Variants in ALG6 observed in about 807,000 individuals in gnomAD.
The protein encoded by ALG6 is ALG6 alpha-1,3-glucosyltransferase.
Under a neutral mutation model 66.6 loss-of-function variants are expected in ALG6, and 46 were observed. That is an observed-to-expected ratio of 0.69 (90% CI 0.55 to 0.88). The LOEUF (loss-of-function observed/expected upper bound fraction) is 0.88. Among genes scored for constraint, ALG6 ranks in the 40% least tolerant of loss-of-function variants. The pLI is 0.00. For missense variants in ALG6, 505 were observed against 586.8 expected (o/e 0.86, Z 1.44); for synonymous variants, 185 against 203.7 (o/e 0.91, Z 0.78).
rs1428760964 is a variant in ALG6, at chr1:63,382,134, A to G, written c.82+11075A>G. On this transcript the variant is annotated intron_variant, in intron 2 of 14. Transcript: ENST00000263440. ...TTGTATGGGTACATAGTAGATGTAC[A>G]TATTCATGGGTCACATGAGATTTTT... is the stretch of plus-strand genomic sequence containing the variant. 2.6e-5 allele frequency among the ~76,000 whole-genome samples: 4 copies of G among 151,558 alleles called. 1 individual carries two copies. The highest frequency in any genetic ancestry group is 2.6e-4 in the Admixed American group (4 of 15,248).
At chr1:63,422,126 A>AATATATATAAATATAAATATAT (rs1334474580) in intron 12 of ALG6, among the ~76,000 whole-genome samples, 9 of 74,384 alleles carry the variant, frequency 1.2e-4, no homozygotes, top group African/African-American at 3.5e-4. Context: ...TAAATATATA[A>AATATATATAAATATAAATATAT]ATAAATATAT....
intron 7 of ALG6, among the ~76,000 whole-genome samples, chr1:63,407,562 G>T (rs1180459806): frequency 6.6e-6 from 1 of 151,962 alleles, no homozygotes; most frequent in Non-Finnish European, 1.5e-5. Context: ...AACTAAAACT[G>T]ATAATCAAAA....
intron 8 of ALG6, 40 bp from the exon 9 acceptor site, chr1:63,411,886 C>G (rs917714377): frequency 1.2e-6 from 2 of 1,613,566 alleles, no homozygotes; most frequent in African/African-American, 2.7e-5. Context: ...GAATTACTGA[C>G]CTTTCCCTAT....
In ALG6 at chr1:63,402,312, AC is replaced by A; in HGVS notation, c.227del (p.Thr76LysfsTer15). On this transcript the variant is annotated frameshift_variant, in exon 4 of 15. Coordinates refer to ENST00000263440, the MANE Select transcript of ALG6 (RefSeq NM_013339.4). LOFTEE classifies it high-confidence loss of function. ...TTGGGGATTGGATTACCCACCTCTT[AC>A]AGCTTATCATAGTCTCCTATGTGCA... The part of the protein sequence containing the change: ...QYWGLDYPPL[T>X]AYHSLLCAYV... The A allele has an allele frequency of 6.2e-7, 1 of 1,611,912 alleles. No individual in the cohort carries two copies. Among genetic ancestry groups the A allele is most frequent in the Non-Finnish European group, 8.5e-7 (1 of 1,178,236 alleles).
chr1:63,378,148 G>T (rs1363374940), intron 2 of ALG6, among the ~76,000 whole-genome samples: 1 of 152,038 alleles, frequency 6.6e-6, no homozygotes, highest in Non-Finnish European at 1.5e-5. Context: ...ACACCTTTGG[G>T]AGTTTTTTTT....
rs868766000 is a variant in ALG6, at chr1:63,385,192, T to C, written c.83-11321T>C. On this transcript the variant is annotated intron_variant, in intron 2 of 14. Coordinates refer to ENST00000263440, the MANE Select transcript of ALG6 (RefSeq NM_013339.4). The stretch of plus-strand genomic sequence containing the variant: ...AAGATCTTTTACTTCTTCTTTTTTT[T>C]TTTTTTTTTTTTTTTTTTTTTTTTT... Among the ~76,000 whole-genome samples, 186 of 40,340 alleles carry C rather than the reference T, an allele frequency of 4.6e-3. 1 individual carries two copies. Among genetic ancestry groups the C allele is most frequent in the Admixed American group, 6.4e-3 (19 of 2,986 alleles). 26.5% of individuals were successfully genotyped at this position (40,340 alleles called of 152,430 possible).
chr1:63,400,273 A>ATATG (rs1644451878), intron 3 of ALG6, among the ~76,000 whole-genome samples: 2 of 23,470 alleles, frequency 8.5e-5, no homozygotes, highest in African/African-American at 8.0e-4. Context: ...ATATACGTAT[A>ATATG]TATATATACG....
intron 1 of ALG6, among the ~76,000 whole-genome samples, chr1:63,368,764 G>A (rs189705226): frequency 3.4e-3 from 515 of 152,230 alleles, no homozygotes; most frequent in South Asian, 8.7e-3. Context: ...GCCTCCCAAA[G>A]TGCTGGGATT....
intron 12 of ALG6, among the ~76,000 whole-genome samples, chr1:63,422,137 A>ATG (rs1157350278): frequency 5.4e-5 from 3 of 56,048 alleles, no homozygotes; most frequent in African/African-American, 7.1e-5. Flanking sequence ...ATAAATATAT[A>ATG]AATATATATA....
rs752876663 is a variant in ALG6 at position 63,370,836 on chromosome 1, C to A, written c.-142C>A. 1.4e-6 allele frequency: 1 copy of A among 698,722 alleles called. No individual in the cohort carries two copies. Among genetic ancestry groups the A allele is most frequent in the Non-Finnish European group, 2.6e-6 (1 of 382,892 alleles). 43.3% of individuals were successfully genotyped at this position (698,722 alleles called of 1,614,324 possible). ...AAACCAAGCATCATTAAAATTCTCT[C>A]AAACTCCTAATTGCGAAGAATCGAT... On this transcript the variant is annotated 5_prime_UTR_variant, in exon 2 of 15. Coordinates refer to ENST00000263440, the MANE Select transcript of ALG6 (RefSeq NM_013339.4).
chr1:63,389,144 C>T (rs1648592366), intron 2 of ALG6, among the ~76,000 whole-genome samples: 1 of 151,948 alleles, frequency 6.6e-6, no homozygotes, highest in East Asian at 1.9e-4. Context: ...AGTTATTATC[C>T]CTTTGAATAA....
chr1:63,435,469 C>T (rs1644673250), intron 14 of ALG6, among the ~76,000 whole-genome samples: 1 of 152,120 alleles, frequency 6.6e-6, no homozygotes, highest in South Asian at 2.1e-4. Flanking sequence ...CACTGCATTA[C>T]TCTCTATTTA....
chr1:63,386,688 T>A (rs900990219), intron 2 of ALG6, among the ~76,000 whole-genome samples: 2 of 152,156 alleles, frequency 1.3e-5, no homozygotes, highest in Non-Finnish European at 2.9e-5. Flanking sequence ...ATTTTATTTA[T>A]TTAAGTCTTC....
intron 12 of ALG6, among the ~76,000 whole-genome samples, chr1:63,423,108 C>T (rs1483804884): frequency 6.6e-6 from 1 of 150,528 alleles, no homozygotes; most frequent in Admixed American, 6.6e-5. Context: ...ACTGCAGCCT[C>T]TGCCTCCCGG....
chr1:63,413,864 C>A (rs994551271), intron 9 of ALG6, 197 bp from the exon 10 acceptor site: 8 of 499,016 alleles, frequency 1.6e-5, no homozygotes, highest in Non-Finnish European at 2.9e-5. Context: ...GATCAACTGC[C>A]CTGCACAAAA....
At chr1:63,402,414 T>A in intron 4 of ALG6, 71 bp downstream of exon 4, 1 of 913,704 alleles carries the variant, frequency 1.1e-6, no homozygotes, top group South Asian at 1.3e-5. Flanking sequence ...AGCAGTGTGA[T>A]GGGGCTTTCT....
In ALG6 at chr1:63,428,917, T is replaced by C. The variant is rs760830321; in HGVS notation, c.1128-11T>C. ...AATTCTCTTGTGATTTTTAAAAATT[T>C]TCCTTTACAGTATGCTACCTCTTCT... On this transcript the variant is annotated splice_polypyrimidine_tract_variant and intron_variant, in intron 13 of 14. Coordinates refer to ENST00000263440, the MANE Select transcript of ALG6 (RefSeq NM_013339.4). 3.1e-6 allele frequency: 5 copies of C among 1,611,684 alleles called. No individual in the cohort carries two copies. In the African/African-American group the frequency reaches 6.7e-5, roughly 22 times the overall value.
In ALG6 at chr1:63,429,091, T is replaced by A; in HGVS notation, c.1291T>A (p.Cys431Ser). 1 of 1,603,640 alleles carries A rather than the reference T, an allele frequency of 6.2e-7. No homozygotes were observed. The highest frequency in any genetic ancestry group is 1.3e-5 in the African/African-American group (1 of 74,756). Residue 431 changes from cysteine to serine, a missense_variant, in exon 14 of 15, where the codon TGT (cysteine) becomes AGT (serine). By Grantham distance (112) the Cys-to-Ser change is moderately radical (BLOSUM62 -1). Coordinates refer to ENST00000263440, the MANE Select transcript of ALG6 (RefSeq NM_013339.4). ...CATTTCTGTGAGGAAATATCTTCCA[T>A]GTTTTACATTTCTTTCCAGAATTAT... is the stretch of plus-strand genomic sequence containing the variant. ...FSISVRKYLP[C>S]FTFLSRIIQY...
chr1:63,383,033 A>C (rs1490816156), intron 2 of ALG6, among the ~76,000 whole-genome samples: 2 of 150,846 alleles, frequency 1.3e-5, no homozygotes, highest in African/African-American at 4.9e-5. Flanking sequence ...GGCTGGTCTC[A>C]AACTCCTGAC....
Sources: allele counts gnomAD v4.1 joint callset (sites outside exome capture counted in the v4.1 genomes callset), GRCh38; gene constraint gnomAD v4.1.1; transcripts MANE v1.5; gene names NCBI Gene and HGNC (gene_info 2026-07-23, HGNC 2026-07-21).